ITPRID1: variants seen among roughly 807,000 people sequenced by gnomAD.
ITPRID1 encodes the protein ITPR interacting domain containing 1, also known as protein ITPRID1.
A neutral mutation model predicts 95.4 loss-of-function variants in ITPRID1; 96 were observed. The ratio of observed to expected loss-of-function variants is 1.01; its 90% confidence interval spans 0.85 to 1.19. The LOEUF is 1.19. ITPRID1 is among the 50% of genes most tolerant of loss of function. ITPRID1 has a pLI of 0.00. For synonymous variants in ITPRID1, 510 were observed against 453.6 expected, an observed-to-expected ratio of 1.12 and a Z score of -1.58; for missense variants, 1,339 against 1,252.9, an observed-to-expected ratio of 1.07 and a Z score of -1.04.
At chr7:31,637,563 T>C (rs38384) in intron 10 of ITPRID1, among the ~76,000 whole-genome samples, 27,099 of 152,180 alleles carry the variant, frequency 0.18, 2,602 homozygotes, top group Non-Finnish European at 0.2. Context: ...TCATATCCTT[T>C]ACCCACTTTT....
intron 12 of ITPRID1, among the ~76,000 whole-genome samples, chr7:31,649,999 C>T (rs1196266680): frequency 6.6e-6 from 1 of 152,018 alleles, no homozygotes; most frequent in East Asian, 1.9e-4. Context: ...AGTGAAAAAT[C>T]ACAAAGAATT....
intron 1 of ITPRID1, among the ~76,000 whole-genome samples, chr7:31,546,713 G>A (rs990694672): frequency 1.3e-5 from 2 of 151,998 alleles, no homozygotes; most frequent in Admixed American, 6.6e-5. Context: ...TGATATAAAC[G>A]CTAAGATCTC....
intron 12 of ITPRID1, among the ~76,000 whole-genome samples, chr7:31,647,443 C>T (rs553966658): frequency 1.3e-5 from 2 of 151,814 alleles, no homozygotes; most frequent in South Asian, 4.2e-4. Flanking sequence ...GGGTGGATCA[C>T]CTGAGGTTAG....
intron 1 of ITPRID1, among the ~76,000 whole-genome samples, chr7:31,540,022 TA>T (rs1783883045): frequency 6.6e-6 from 1 of 152,162 alleles, no homozygotes; most frequent in Non-Finnish European, 1.5e-5. Context: ...GAGGTGAACT[TA>T]AAATGGCAGT....
chr7:31,577,412 CACTATCAGGTG>C (rs1428569148), intron 8 of ITPRID1, among the ~76,000 whole-genome samples: 1 of 152,164 alleles, frequency 6.6e-6, no homozygotes, highest in African/African-American at 2.4e-5. Flanking sequence ...GATCTTTCCA[CACTATCAGGTG>C]ACAGTATGGA....
chr7:31,548,549 G>C (rs1035141376), intron 1 of ITPRID1, among the ~76,000 whole-genome samples: 20 of 152,110 alleles, frequency 1.3e-4, no homozygotes, highest in African/African-American at 4.6e-4. Context: ...AGAATGAAGG[G>C]GTATTGGTAG....
At chr7:31,641,053 C>T (rs1467319760) in intron 10 of ITPRID1, among the ~76,000 whole-genome samples, 4 of 152,122 alleles carry the variant, frequency 2.6e-5, no homozygotes, top group Middle Eastern at 3.2e-3. Context: ...GAGACTGTCT[C>T]CACTTGCTGT....
At chr7:31,519,620 C>CTCTCTCTCTCTCTATATA in intron 1 of ITPRID1, among the ~76,000 whole-genome samples, 26 of 25,250 alleles carry the variant, frequency 1.0e-3, no homozygotes, top group East Asian at 9.0e-3. Flanking sequence ...CTCTCTCTCT[C>CTCTCTCTCTCTCTATATA]TATATATATA....
At chr7:31,583,217 CT>C in intron 10 of ITPRID1, 26 bp downstream of exon 10, 2 of 1,505,528 alleles carry the variant, frequency 1.3e-6, no homozygotes, top group Non-Finnish European at 1.8e-6. Flanking sequence ...GGTGTGTGAT[CT>C]CATCAATGGT....
intron 5 of ITPRID1, among the ~76,000 whole-genome samples, chr7:31,555,799 G>T (rs993886045): frequency 6.6e-6 from 1 of 152,182 alleles, no homozygotes; most frequent in East Asian, 1.9e-4. Flanking sequence ...AAGACTGACC[G>T]TTGGCTACAA....
intron 10 of ITPRID1, among the ~76,000 whole-genome samples, chr7:31,619,443 T>A (rs1787587569): frequency 1.3e-5 from 2 of 152,350 alleles, no homozygotes; most frequent in Admixed American, 1.3e-4. Context: ...ACTTATTGTT[T>A]CAACTGTATG....
chr7:31,620,287 G>C (rs1787722088), intron 10 of ITPRID1, among the ~76,000 whole-genome samples: 1 of 152,088 alleles, frequency 6.6e-6, no homozygotes, highest in Non-Finnish European at 1.5e-5. Flanking sequence ...GGAGATCTGA[G>C]AACGGGCAGA....
At chr7:31,535,706 C>G (rs1298799208) in intron 1 of ITPRID1, among the ~76,000 whole-genome samples, 1 of 151,904 alleles carries the variant, frequency 6.6e-6, no homozygotes, top group Admixed American at 6.6e-5. Context: ...TTTGTTTATA[C>G]TTTATTTTTG....
At chr7:31,606,614 C>A (rs567440879) in intron 10 of ITPRID1, among the ~76,000 whole-genome samples, 33 of 152,104 alleles carry the variant, frequency 2.2e-4, no homozygotes, top group African/African-American at 7.5e-4. Flanking sequence ...GAAAGAATTT[C>A]GTGCTTAGAG....
Position 31,578,292 on chromosome 7 carries a change from CG to C in ITPRID1, c.1030del (p.Ala344ProfsTer61), listed in dbSNP as rs753745587. ...AAGCAGTGGCCTTGCTCATCTATGC[CG>C]GCCAAGCAGGCTCCTCCTTCCTGTG... ...LSKQWPCSSM[P>X]AKQAPPSCVS... is the part of the protein sequence containing the mutation. On this transcript the variant is annotated frameshift_variant, in exon 9 of 15. Transcript: ENST00000615280. LOFTEE classifies it high-confidence loss of function. 463 of 1,613,744 alleles carry C rather than the reference CG, an allele frequency of 2.9e-4. 1 individual carries two copies. Among genetic ancestry groups the C allele is most frequent in the Non-Finnish European group, 3.8e-4 (445 of 1,179,830 alleles).
chr7:31,533,606 C>T (rs1783668994), intron 1 of ITPRID1, among the ~76,000 whole-genome samples: 1 of 152,086 alleles, frequency 6.6e-6, no homozygotes, highest in Non-Finnish European at 1.5e-5. Context: ...GCATTTTAAA[C>T]TGCACTTTCC....
At chr7:31,578,486 G>GAC (rs1785280218) in intron 9 of ITPRID1, 52 bp downstream of exon 9, 2 of 1,362,268 alleles carry the variant, frequency 1.5e-6, no homozygotes, top group East Asian at 4.7e-5. Flanking sequence ...CCTTCACTAT[G>GAC]ACACCCTTGT....
At chr7:31,565,819 T>A (rs1029245391) in intron 5 of ITPRID1, among the ~76,000 whole-genome samples, 18 of 151,552 alleles carry the variant, frequency 1.2e-4, no homozygotes, top group African/African-American at 4.4e-4. Flanking sequence ...GTGAGGGGAG[T>A]CAGACACCCG....
At chr7:31,515,489 C>T (rs1002478955) in intron 1 of ITPRID1, among the ~76,000 whole-genome samples, 6 of 152,046 alleles carry the variant, frequency 3.9e-5, no homozygotes, top group East Asian at 1.9e-4. Context: ...ACAGGAGAAT[C>T]GCTTGAACCT....
Sources: gnomAD v4.1 joint callset for allele counts (sites outside exome capture counted in the v4.1 genomes callset) on GRCh38, gnomAD v4.1.1 for gene constraint, MANE v1.5 for transcripts, NCBI Gene and HGNC (gene_info 2026-07-23, HGNC 2026-07-21) for gene names.